DENND4C: variants seen among roughly 807,000 people sequenced by gnomAD.
DENND4C encodes DENN domain-containing protein 4C.
A neutral mutation model predicts 203.0 loss-of-function variants in DENND4C; 108 were observed. The observed-to-expected ratio is 0.53, with a 90% CI of 0.46 to 0.62. The LOEUF (loss-of-function observed/expected upper bound fraction) is 0.62, where lower values mean the gene tolerates loss of function less well. Ranked by LOEUF, DENND4C falls within the 20% of genes least tolerant of loss-of-function variation. The pLI is 0.00. For missense variants in DENND4C, 2,481 were observed against 2,301.2 expected (o/e 1.08, Z -1.60); for synonymous variants, 871 against 792.4 (o/e 1.10, Z -1.67).
chr9:19,290,864 T>C lies in DENND4C; in HGVS notation c.789T>C (p.Ser263=). ...PVFSTFVLTG[S]SAKKVYGAAI... Reference sequence around the variant, plus strand: ...TTTCAACTTTTGTCTTGACAGGTTCTTCAGCCAAAAAGGTATGTTTTTGTC... The same window carrying C: ...TTTCAACTTTTGTCTTGACAGGTTCCTCAGCCAAAAAGGTATGTTTTTGTC... Residue 263 remains serine, a synonymous_variant, in exon 5 of 33, where the codon TCT becomes TCC. Coordinates refer to ENST00000434457, the MANE Select transcript of DENND4C (RefSeq NM_001330640.2). 1 of 1,613,402 alleles carries C rather than the reference T, an allele frequency of 6.2e-7. No individual in the cohort carries two copies. The highest frequency in any genetic ancestry group is 8.5e-7 in the Non-Finnish European group (1 of 1,179,680).
intron 22 of DENND4C, among the ~76,000 whole-genome samples, chr9:19,343,205 G>T (rs1315897604): frequency 6.6e-6 from 1 of 152,178 alleles, no homozygotes; most frequent in African/African-American, 2.4e-5. Flanking sequence ...CCTCTACACA[G>T]ATATGCCAGT....
intron 5 of DENND4C, chr9:19,291,220 G>T (rs1180203161): frequency 5.8e-6 from 1 of 171,698 alleles, no homozygotes; most frequent in Non-Finnish European, 1.3e-5. Context: ...ACATTGAAAT[G>T]ACAGAATGAC....
intron 10 of DENND4C, among the ~76,000 whole-genome samples, chr9:19,315,094 A>C (rs1368639385): frequency 7.1e-6 from 1 of 139,908 alleles, no homozygotes; most frequent in Non-Finnish European, 1.5e-5. Flanking sequence ...TGGAATGCGG[A>C]GGTTGCAGTG....
intron 20 of DENND4C, chr9:19,337,754 T>C: frequency 1.2e-6 from 1 of 815,922 alleles, no homozygotes; most frequent in South Asian, 1.5e-5. Flanking sequence ...AAGTTTGTTT[T>C]GAGTGGTAAA....
At chr9:19,319,303 C>T (rs4977298) in intron 12 of DENND4C, among the ~76,000 whole-genome samples, 1 of 126,500 alleles carries the variant, frequency 7.9e-6, no homozygotes, top group African/African-American at 2.9e-5. Flanking sequence ...TATATATATA[C>T]ACATATATAC....
chr9:19,240,273 C>G (rs762786199), intron 1 of DENND4C, among the ~76,000 whole-genome samples: 1 of 152,140 alleles, frequency 6.6e-6, no homozygotes, highest in African/African-American at 2.4e-5. Flanking sequence ...AGGCTACAAA[C>G]CTGTACAGCA....
chr9:19,327,301 T>C (rs1380136612), intron 15 of DENND4C, among the ~76,000 whole-genome samples: 2 of 152,092 alleles, frequency 1.3e-5, no homozygotes, highest in South Asian at 2.1e-4. Context: ...AAATATGTTA[T>C]GGTTTTTTGC....
At chr9:19,287,890 G>A (rs1835527121) in intron 3 of DENND4C, among the ~76,000 whole-genome samples, 1 of 152,036 alleles carries the variant, frequency 6.6e-6, no homozygotes, top group African/African-American at 2.4e-5. Flanking sequence ...GCGCCACTAC[G>A]CCCACCTAAT....
In DENND4C at chr9:19,255,845, C is replaced by T. The variant is rs924178274; in HGVS notation, c.-17-20313C>T. On this transcript the variant is annotated intron_variant, in intron 1 of 32. Coordinates refer to ENST00000434457, the MANE Select transcript of DENND4C (RefSeq NM_001330640.2). Reference sequence around the variant, plus strand: ...AGAAAACCATCAAGGATGTAGTAGACTTGTTACAACACTATTTACTTGACT... The same window carrying T: ...AGAAAACCATCAAGGATGTAGTAGATTTGTTACAACACTATTTACTTGACT... Among the ~76,000 whole-genome samples, 5 of 152,284 alleles carry T rather than the reference C, an allele frequency of 3.3e-5. No homozygotes were observed. In the East Asian group the frequency reaches 9.6e-4, roughly 29 times the overall value.
intron 16 of DENND4C, 91 bp downstream of exon 16, chr9:19,328,253 A>T (rs888412484): frequency 4.0e-6 from 5 of 1,255,674 alleles, no homozygotes; most frequent in Non-Finnish European, 5.4e-6. Context: ...ATCACCCACA[A>T]CAACCATTTG....
chr9:19,230,645 T>C (rs1275317813), upstream of DENND4C: 1 of 152,066 alleles, frequency 6.6e-6, no homozygotes, highest in Non-Finnish European at 1.5e-5. Flanking sequence ...CGCCCCTGGC[T>C]GTAGGCGGCG....
At chr9:19,293,507 GCA>G (rs1394877242) in intron 5 of DENND4C, among the ~76,000 whole-genome samples, 5 of 152,022 alleles carry the variant, frequency 3.3e-5, no homozygotes, top group Non-Finnish European at 7.4e-5. Flanking sequence ...GTGTGTAAAG[GCA>G]AGGGTTCCTG....
rs1345917181 is a variant in DENND4C, at chr9:19,297,887, G to C, written c.1041-169G>C. Among the ~76,000 whole-genome samples, 13 of 152,036 alleles carry C rather than the reference G, an allele frequency of 8.6e-5. No homozygotes were observed. The East Asian group carries it at 1.5e-3, about 18-fold the overall frequency. On this transcript the variant is annotated intron_variant, in intron 6 of 32. Coordinates refer to ENST00000434457, the MANE Select transcript of DENND4C (RefSeq NM_001330640.2). ...CATTGTGTATTTCAGAAGTTTAATGGGCATGGATAAATTCATTTACATGGA... is the reference window on the plus strand; with the variant it reads ...CATTGTGTATTTCAGAAGTTTAATGCGCATGGATAAATTCATTTACATGGA...
At chr9:19,233,709 C>T (rs1377082248) in intron 1 of DENND4C, among the ~76,000 whole-genome samples, 2 of 151,494 alleles carry the variant, frequency 1.3e-5, no homozygotes, top group Non-Finnish European at 2.9e-5. Flanking sequence ...TCTCCTGCCT[C>T]AGCTTCCCAA....
At chr9:19,305,932 T>G (rs1236438585) in intron 10 of DENND4C, among the ~76,000 whole-genome samples, 1 of 152,234 alleles carries the variant, frequency 6.6e-6, no homozygotes, top group East Asian at 1.9e-4. Flanking sequence ...TAGGGTGATA[T>G]TATACCATTT....
At chr9:19,321,945 AG>A (rs1475814503) in intron 12 of DENND4C, among the ~76,000 whole-genome samples, 1 of 151,936 alleles carries the variant, frequency 6.6e-6, no homozygotes, top group Non-Finnish European at 1.5e-5. Context: ...AGATAGGAGG[AG>A]GGACATATCC....
At chr9:19,265,367 A>G (rs1180732558) in intron 1 of DENND4C, among the ~76,000 whole-genome samples, 2 of 152,144 alleles carry the variant, frequency 1.3e-5, no homozygotes, top group African/African-American at 2.4e-5. Flanking sequence ...GTGGTCATTT[A>G]GGAACATATT....
chr9:19,243,832 G>A (rs1022944854), intron 1 of DENND4C, among the ~76,000 whole-genome samples: 1 of 152,090 alleles, frequency 6.6e-6, no homozygotes, highest in Non-Finnish European at 1.5e-5. Context: ...TTGTTTTTGA[G>A]ACGAAGTCTA....
At chr9:19,245,252 A>C (rs1319162863) in intron 1 of DENND4C, among the ~76,000 whole-genome samples, 1 of 151,348 alleles carries the variant, frequency 6.6e-6, no homozygotes, top group Non-Finnish European at 1.5e-5. Context: ...GCAGATCACG[A>C]GGTCAGGAGA....
Sources: gnomAD v4.1 joint callset for allele counts (sites outside exome capture counted in the v4.1 genomes callset) on GRCh38, gnomAD v4.1.1 for gene constraint, MANE v1.5 for transcripts, NCBI Gene and HGNC (gene_info 2026-07-23, HGNC 2026-07-21) for gene names.